Variants in ATAD2B observed in about 807,000 individuals in gnomAD.
The protein encoded by ATAD2B is ATPase family AAA domain-containing protein 2B.
In ATAD2B, 40 loss-of-function variants were observed where a neutral mutation model predicts 167.6. The observed-to-expected ratio is 0.24, with a 90% CI of 0.19 to 0.31. ATAD2B has a LOEUF of 0.31. Among genes scored for constraint, ATAD2B ranks in the 10% least tolerant of loss-of-function variants. The pLI is 1.00. For missense variants in ATAD2B, 1,242 were observed against 1,757.2 expected (o/e 0.71, Z 5.24); for synonymous variants, 579 against 596.5 (o/e 0.97, Z 0.43).
chr2:23,693,301 G>T, the ATAD2B span: 1 of 1,546,228 alleles, frequency 6.5e-7, no homozygotes, highest in Non-Finnish European at 8.7e-7. Flanking sequence ...CTGCCTGGGC[G>T]TGCTGGCCAT....
intron 14 of ATAD2B, among the ~76,000 whole-genome samples, chr2:23,831,010 C>A: frequency 6.6e-6 from 1 of 152,020 alleles, no homozygotes; most frequent in Non-Finnish European, 1.5e-5. Context: ...CTATATAACC[C>A]AATCAAAGTC....
chr2:23,754,720 G>C lies in ATAD2B; in HGVS notation c.4133C>G (p.Thr1378Arg), dbSNP rs771281444. ...CTCTTCTGGAACCAGTTCCAGGCTT[G>C]TCGTTTTTGCCTGCTCTAAAATTAA... ...RKLILEQAKT[T>R]SLELVPEEPS... The change falls in exon 26 of 28, where the codon ACA becomes AGA. Residue 1378 changes from threonine (T) to arginine (R), a missense_variant. Physicochemically the swap from Thr to Arg is moderately conservative, Grantham distance 71. This residue lies in a region of ATAD2B where 282 missense variants were observed against 346.8 expected (regional missense o/e 0.81). Transcript: ENST00000238789. 1.2e-6 allele frequency: 2 copies of C among 1,612,892 alleles called. No homozygotes were observed. The highest frequency in any genetic ancestry group is 1.7e-6 in the Non-Finnish European group (2 of 1,179,198).
At chr2:23,896,118 C>A in intron 1 of ATAD2B, 148 bp from the exon 2 acceptor site, 1 of 429,700 alleles carries the variant, frequency 2.3e-6, no homozygotes, top group South Asian at 5.1e-5. Context: ...GAGTTCAAGA[C>A]CAGACTGGCC....
At chr2:23,904,141 A>T (rs1347339800) in intron 1 of ATAD2B, among the ~76,000 whole-genome samples, 1 of 152,210 alleles carries the variant, frequency 6.6e-6, no homozygotes, top group Non-Finnish European at 1.5e-5. Context: ...GATATGAAAC[A>T]TGGTCATAAA....
At chr2:23,865,031 G>T in intron 10 of ATAD2B, 107 bp from the exon 11 acceptor site, 1 of 593,504 alleles carries the variant, frequency 1.7e-6, no homozygotes, top group Non-Finnish European at 2.8e-6. Flanking sequence ...GCCTTTAGCA[G>T]AAGCTTTTAA....
At chr2:23,714,303 G>A in the ATAD2B span, among the ~76,000 whole-genome samples, 410 of 149,182 alleles carry the variant, frequency 2.7e-3, no homozygotes, top group Non-Finnish European at 4.9e-3. Flanking sequence ...GCAGTGGCGC[G>A]ATCTCGGCTC....
chr2:23,926,657 G>A lies in ATAD2B; in HGVS notation c.114C>T (p.Phe38=). Reference sequence around the variant, plus strand: ...TGGAGGAGCGGGTCCGAGAGGAGATGAAATGGCTGCTGCCTCCGGTCGCCC... The same window carrying A: ...TGGAGGAGCGGGTCCGAGAGGAGATAAAATGGCTGCTGCCTCCGGTCGCCC... The part of the protein sequence containing the change: ...EPGATGGSSH[F]ISSRTRSSKT... Residue 38 remains phenylalanine, a synonymous_variant, in exon 1 of 28, where the codon TTC becomes TTT. Transcript: ENST00000238789. 2 of 1,561,698 alleles carry A rather than the reference G, an allele frequency of 1.3e-6. No homozygotes were observed. Among genetic ancestry groups the A allele is most frequent in the Non-Finnish European group, 1.7e-6 (2 of 1,153,802 alleles).
chr2:23,876,281 C>T (rs1299794700), intron 7 of ATAD2B, among the ~76,000 whole-genome samples: 3 of 146,862 alleles, frequency 2.0e-5, no homozygotes, highest in Admixed American at 6.8e-5. Context: ...CATGAGCCAC[C>T]GGGCCCAGCC....
In ATAD2B at chr2:23,889,748, C is replaced by T. The variant is rs1699206218; in HGVS notation, c.369-1349G>A. Among the ~76,000 whole-genome samples the T allele has an allele frequency of 4.0e-5, 6 of 151,662 alleles. No individual in the cohort carries two copies. The South Asian group carries it at 1.0e-3, about 26-fold the overall frequency. ...CAGCCTGGCCAACATGGTGAAACCCCGTCTCTACCAAAAATACAAAAATTG... is the reference window on the plus strand; with the variant it reads ...CAGCCTGGCCAACATGGTGAAACCCTGTCTCTACCAAAAATACAAAAATTG... On this transcript the variant is annotated intron_variant, in intron 2 of 27. Coordinates refer to ENST00000238789, the MANE Select transcript of ATAD2B (RefSeq NM_017552.4).
intron 19 of ATAD2B, among the ~76,000 whole-genome samples, chr2:23,790,362 A>G (rs992001973): frequency 6.6e-6 from 1 of 152,206 alleles, no homozygotes; most frequent in Non-Finnish European, 1.5e-5. Flanking sequence ...ACTTATATCA[A>G]TTGGGTCTTG....
At chr2:23,814,725 T>C (rs1686161578) in intron 17 of ATAD2B, among the ~76,000 whole-genome samples, 3 of 152,174 alleles carry the variant, frequency 2.0e-5, no homozygotes, top group Admixed American at 6.5e-5. Context: ...AGTTAGACTA[T>C]GAAGGGCTAC....
At chr2:23,730,930 GA>G in the ATAD2B span, among the ~76,000 whole-genome samples, 3 of 148,768 alleles carry the variant, frequency 2.0e-5, no homozygotes, top group South Asian at 4.2e-4. Context: ...GACTGATCAA[GA>G]AAAAAAAAGA....
intron 2 of ATAD2B, among the ~76,000 whole-genome samples, chr2:23,890,076 G>A (rs552514665): frequency 1.3e-5 from 2 of 151,948 alleles, no homozygotes; most frequent in East Asian, 3.9e-4. Flanking sequence ...TCAGCCAGGC[G>A]TGGTGGCAGG....
intron 11 of ATAD2B, 73 bp from the exon 12 acceptor site, chr2:23,863,628 C>T (rs1694740951): frequency 2.3e-6 from 3 of 1,290,762 alleles, no homozygotes; most frequent in Non-Finnish European, 3.2e-6. Context: ...TAAAAAATGT[C>T]CCCCCCTTCC....
intron 1 of ATAD2B, among the ~76,000 whole-genome samples, chr2:23,897,622 T>C (rs999572909): frequency 8.5e-5 from 13 of 152,192 alleles, no homozygotes; most frequent in Non-Finnish European, 1.9e-4. Flanking sequence ...AAATTATAAT[T>C]TCCTACTCTA....
At chr2:23,911,616 G>A (rs554683235) in intron 1 of ATAD2B, among the ~76,000 whole-genome samples, 6 of 151,796 alleles carry the variant, frequency 4.0e-5, no homozygotes, top group African/African-American at 1.4e-4. Flanking sequence ...CGGGGAGGGG[G>A]AGGGGGCGAA....
rs1251780314 is a variant in ATAD2B at position 23,757,827 on chromosome 2, A to G, written c.3669T>C (p.Asn1223=). ...CAAAGTTCTCTTTTGTGCCTGCTCC[A>G]TTGTTAAGCCTCTGCCCCTGGTCCA... ...MDLDQGQRLN[N]GAGTKENFAS... The change falls in exon 25 of 28, where the codon AAT becomes AAC. Residue 1223 remains asparagine (N), a synonymous_variant. Transcript: ENST00000238789. 15 of 1,572,896 alleles carry G rather than the reference A, an allele frequency of 9.5e-6. No homozygotes were observed. The highest frequency in any genetic ancestry group is 1.3e-5 in the Non-Finnish European group (15 of 1,165,202).
chr2:23,826,576 AAAGACTG>A (rs1558611769), intron 15 of ATAD2B, among the ~76,000 whole-genome samples: 1 of 152,176 alleles, frequency 6.6e-6, no homozygotes, highest in African/African-American at 2.4e-5. Context: ...ATTGTTCTAA[AAAGACTG>A]AAAATACAGC....
At chr2:23,737,603 CAGA>C in the ATAD2B span, among the ~76,000 whole-genome samples, 3 of 152,152 alleles carry the variant, frequency 2.0e-5, no homozygotes, top group Admixed American at 2.0e-4. Context: ...GGGGAAAAAA[CAGA>C]GCAGGAAAAC....
Sources: allele counts gnomAD v4.1 joint callset (sites outside exome capture counted in the v4.1 genomes callset), GRCh38; gene constraint gnomAD v4.1.1; regional missense constraint gnomAD v4.1.1; transcripts MANE v1.5; gene names NCBI Gene and HGNC (gene_info 2026-07-23, HGNC 2026-07-21).